Variants in AVEN observed in about 807,000 individuals in gnomAD.
AVEN encodes apoptosis and caspase activation inhibitor.
AVEN carries 41 observed loss-of-function variants against 38.1 expected under a neutral mutation model. The ratio of observed to expected loss-of-function variants is 1.08; its 90% confidence interval spans 0.84 to 1.40. The LOEUF (loss-of-function observed/expected upper bound fraction) is 1.40. Ranked by LOEUF, AVEN falls within the 40% of genes most tolerant of loss-of-function variation. The pLI, the probability that AVEN is intolerant of heterozygous loss-of-function variation, is 0.00. For synonymous variants in AVEN, 206 were observed against 171.8 expected (o/e 1.20, Z -1.56); for missense variants, 605 against 438.8 (o/e 1.38, Z -3.38).
intron 5 of AVEN, among the ~76,000 whole-genome samples, chr15:34,054,067 C>T (rs1329684545): frequency 3.3e-5 from 5 of 151,840 alleles, no homozygotes; most frequent in African/African-American, 9.7e-5. Flanking sequence ...GGCCAAAAAA[C>T]GTGAAAAAAA....
At chr15:34,017,263 T>G (rs983487851) in intron 1 of AVEN, among the ~76,000 whole-genome samples, 1 of 151,950 alleles carries the variant, frequency 6.6e-6, no homozygotes. Context: ...TCATACAAAA[T>G]GAAACAAAGC....
chr15:33,975,716 G>A lies in AVEN; in HGVS notation c.445+27316C>T, dbSNP rs944508509. Among the ~76,000 whole-genome samples, 9 of 152,174 alleles carry A rather than the reference G, an allele frequency of 5.9e-5. 1 individual carries two copies. In the South Asian group the frequency reaches 1.9e-3, roughly 31 times the overall value. On this transcript the variant is annotated intron_variant, in intron 2 of 5. Coordinates refer to ENST00000306730, the MANE Select transcript of AVEN (RefSeq NM_020371.3). ...GGAGGCCGAGGCAGGTGAATCATGA[G>A]GTCAGGAGTTCAAGACCAGCCTGAC...
intron 1 of AVEN, among the ~76,000 whole-genome samples, chr15:34,071,385 T>C (rs2632085): frequency 0.97 from 148,144 of 152,206 alleles, 72,216 homozygotes; most frequent in Non-Finnish European, 1. Context: ...GTGATACTTC[T>C]GCCTCAGCCT....
chr15:33,914,858 T>G (rs569462514), intron 2 of AVEN, among the ~76,000 whole-genome samples: 16 of 152,086 alleles, frequency 1.1e-4, no homozygotes, highest in Non-Finnish European at 1.9e-4. Flanking sequence ...ATTCCTTAGC[T>G]CTCACCATCT....
intron 2 of AVEN, among the ~76,000 whole-genome samples, chr15:33,961,010 T>C (rs1895140237): frequency 6.6e-6 from 1 of 152,224 alleles, no homozygotes; most frequent in South Asian, 2.1e-4. Flanking sequence ...TCTTTTTCTT[T>C]TTTCTTTTGA....
At chr15:33,949,314 C>T (rs1894638904) in intron 2 of AVEN, among the ~76,000 whole-genome samples, 1 of 152,208 alleles carries the variant, frequency 6.6e-6, no homozygotes, top group Admixed American at 6.5e-5. Context: ...GCCACCGCGC[C>T]CAGCCAAATA....
intron 1 of AVEN, among the ~76,000 whole-genome samples, chr15:34,007,719 T>C (rs993623985): frequency 6.6e-6 from 1 of 152,220 alleles, no homozygotes; most frequent in African/African-American, 2.4e-5. Flanking sequence ...ACAAATTAGA[T>C]GGCTTAAAAC....
intron 2 of AVEN, among the ~76,000 whole-genome samples, chr15:33,962,176 G>T (rs1167264240): frequency 6.6e-6 from 1 of 151,972 alleles, no homozygotes; most frequent in Non-Finnish European, 1.5e-5. Context: ...GAAAAACAAA[G>T]GAATGGGGGA....
In AVEN at chr15:33,861,016, C is replaced by CAGTTTTCTCTCCTGCCTATATT. The variant is rs1204803220; in HGVS notation, n.2730-1944_2730-1923dup. 19 of 1,221,448 alleles carry CAGTTTTCTCTCCTGCCTATATT rather than the reference C, an allele frequency of 1.6e-5. No homozygotes were observed. The Middle Eastern group carries it at 5.6e-4, about 36-fold the overall frequency. The allele number at this position is 1,221,448 out of a possible 1,614,324, so 75.7% of individuals were successfully genotyped here. On this transcript the variant is annotated intron_variant and non_coding_transcript_variant, in intron 11 of 11. Transcript: ENST00000675287. The stretch of plus-strand genomic sequence containing the variant: ...ATCCTTCAATTCGATAGAATCATGA[C>CAGTTTTCTCTCCTGCCTATATT]AGTTTTCTCTCCTGCCTATATTATG...
intron 1 of AVEN, among the ~76,000 whole-genome samples, chr15:34,029,430 C>A (rs558592235): frequency 6.7e-6 from 1 of 148,866 alleles, no homozygotes; most frequent in Admixed American, 6.7e-5. Flanking sequence ...CCTGTAATCC[C>A]AGCACTTTGG....
intron 3 of AVEN, among the ~76,000 whole-genome samples, chr15:33,875,392 G>C (rs1891175513): frequency 6.6e-6 from 1 of 152,104 alleles, no homozygotes; most frequent in Admixed American, 6.5e-5. Flanking sequence ...AGAACTCCTT[G>C]GGAAGAAAAT....
chr15:33,946,716 A>T (rs916164539), intron 2 of AVEN, among the ~76,000 whole-genome samples: 1 of 152,230 alleles, frequency 6.6e-6, no homozygotes, highest in Non-Finnish European at 1.5e-5. Flanking sequence ...ACAGCCCTCC[A>T]GACAGAGAGC....
chr15:34,029,995 T>C (rs1296324184), intron 1 of AVEN, among the ~76,000 whole-genome samples: 1 of 152,142 alleles, frequency 6.6e-6, no homozygotes, highest in Non-Finnish European at 1.5e-5. Context: ...GACTCACACT[T>C]GTAATCCCAG....
chr15:34,013,263 T>C (rs1230867913), intron 1 of AVEN, among the ~76,000 whole-genome samples: 1 of 152,200 alleles, frequency 6.6e-6, no homozygotes. Flanking sequence ...GGTTTCACCA[T>C]GTTGGCCAGG....
downstream of AVEN, chr15:33,858,600 T>C (rs910594176): frequency 6.6e-6 from 1 of 152,528 alleles, no homozygotes; most frequent in Non-Finnish European, 1.5e-5. Flanking sequence ...CAAAGTCCCA[T>C]GGACCGGGAT....
intron 11 of AVEN, chr15:33,859,612 G>GA: frequency 6.2e-7 from 1 of 1,614,054 alleles, no homozygotes; most frequent in Non-Finnish European, 8.5e-7. Context: ...GTGAGAGCAG[G>GA]AGGTGGCATT....
chr15:33,973,154 C>T (rs886164958), intron 2 of AVEN, among the ~76,000 whole-genome samples: 2 of 152,196 alleles, frequency 1.3e-5, no homozygotes, highest in Non-Finnish European at 2.9e-5. Context: ...CATTGTTTGA[C>T]GTCACACTGT....
intron 1 of AVEN, among the ~76,000 whole-genome samples, chr15:34,071,966 T>C (rs1900635281): frequency 6.6e-6 from 1 of 152,178 alleles, no homozygotes; most frequent in South Asian, 2.1e-4. Context: ...GTCATTAATA[T>C]ATTAATACAT....
chr15:34,057,394 G>A (rs1007524461), intron 5 of AVEN, among the ~76,000 whole-genome samples: 2 of 151,274 alleles, frequency 1.3e-5, no homozygotes, highest in African/African-American at 4.9e-5. Context: ...CACCCACCTC[G>A]GCTTCCCAAA....
Sources: gnomAD v4.1 joint callset for allele counts (sites outside exome capture counted in the v4.1 genomes callset) on GRCh38, gnomAD v4.1.1 for gene constraint, MANE v1.5 for transcripts, NCBI Gene and HGNC (gene_info 2026-07-23, HGNC 2026-07-21) for gene names.